The following PLD5 variants were observed in gnomAD, a reference collection of about 807,000 sequenced individuals.
The protein encoded by PLD5 is inactive phospholipase D5.
PLD5 carries 36 observed loss-of-function variants against 61.1 expected under a neutral mutation model. The ratio of observed to expected loss-of-function variants is 0.59; its 90% CI spans 0.45 to 0.78. PLD5 has a LOEUF of 0.78. Among genes scored for constraint, PLD5 ranks in the 30% least tolerant of loss-of-function variants. PLD5 has a pLI of 0.00. For synonymous variants in PLD5, 243 were observed against 242.8 expected (o/e 1.00, Z -0.01); for missense variants, 515 against 644.4 (o/e 0.80, Z 2.17).
chr1:242,098,935 A>G (rs1660466762), intron 9 of PLD5, among the ~76,000 whole-genome samples: 1 of 152,018 alleles, frequency 6.6e-6, no homozygotes, highest in African/African-American at 2.4e-5. Flanking sequence ...GTCTCAGAGG[A>G]GTACCCCACC....
chr1:242,518,707 CTTGT>C (rs1463122539), intron 1 of PLD5, among the ~76,000 whole-genome samples: 1 of 152,266 alleles, frequency 6.6e-6, no homozygotes, highest in African/African-American at 2.4e-5. Context: ...AAAAAGAAAA[CTTGT>C]ATTCAATCAT....
intron 1 of PLD5, among the ~76,000 whole-genome samples, chr1:242,451,500 C>G (rs1666778694): frequency 8.3e-6 from 1 of 120,772 alleles, no homozygotes; most frequent in Non-Finnish European, 1.6e-5. Context: ...TGCTTTGTTG[C>G]CCAGGCTGGA....
intron 1 of PLD5, among the ~76,000 whole-genome samples, chr1:242,380,940 A>C (rs1401392629): frequency 2.0e-5 from 3 of 152,230 alleles, no homozygotes; most frequent in African/African-American, 7.2e-5. Context: ...ACACTTTTAC[A>C]CTGTTGATGG....
intron 5 of PLD5, among the ~76,000 whole-genome samples, chr1:242,130,486 G>A (rs1472080101): frequency 6.6e-6 from 1 of 152,158 alleles, no homozygotes. Context: ...TTGCTGGATC[G>A]AATGGTAATT....
intron 1 of PLD5, among the ~76,000 whole-genome samples, chr1:242,420,247 C>T (rs1472519026): frequency 6.6e-6 from 1 of 152,060 alleles, no homozygotes; most frequent in Non-Finnish European, 1.5e-5. Context: ...AAGTTACTTG[C>T]CCAAGCTCTC....
At chr1:242,316,029 G>A (rs527406320) in intron 2 of PLD5, among the ~76,000 whole-genome samples, 3 of 152,260 alleles carry the variant, frequency 2.0e-5, no homozygotes, top group Admixed American at 6.5e-5. Context: ...GTGACCTTGC[G>A]TAAGTTACTT....
At chr1:242,165,546 G>A (rs1181647022) in intron 5 of PLD5, among the ~76,000 whole-genome samples, 1 of 151,760 alleles carries the variant, frequency 6.6e-6, no homozygotes, top group Non-Finnish European at 1.5e-5. Flanking sequence ...GTAAACACTT[G>A]GAAACCAATG....
At chr1:242,526,316 GA>G (rs1669445224), upstream of PLD5, among the ~76,000 whole-genome samples, 1 of 152,150 alleles carries the variant, frequency 6.6e-6, no homozygotes, top group Non-Finnish European at 1.5e-5. Context: ...AGCCTGGGAA[GA>G]GGAGGCAACA....
intron 9 of PLD5, among the ~76,000 whole-genome samples, chr1:242,092,362 G>A (rs1265277492): frequency 6.6e-6 from 1 of 152,060 alleles, no homozygotes; most frequent in Non-Finnish European, 1.5e-5. Flanking sequence ...TGAGGAGTGG[G>A]AGGCTCAAAG....
In PLD5 at chr1:242,361,845, T is replaced by C. The variant is rs187480334; in HGVS notation, c.190-13603A>G. 6.6e-5 allele frequency among the ~76,000 whole-genome samples: 10 copies of C among 152,252 alleles called. No homozygotes were observed. In the East Asian group the frequency reaches 1.7e-3, roughly 27 times the overall value. The stretch of plus-strand genomic sequence containing the variant: ...ATTGAACGAGCTCTTAAAAGGAATT[T>C]GCACCTAGGCTGGGTGTGGTGGCTC... On this transcript the variant is annotated intron_variant, in intron 1 of 9. Transcript: ENST00000536534.
intron 2 of PLD5, among the ~76,000 whole-genome samples, chr1:242,311,189 C>T (rs901750136): frequency 6.6e-6 from 1 of 151,958 alleles, no homozygotes; most frequent in Non-Finnish European, 1.5e-5. Context: ...ATTTTGCTAC[C>T]ACAAATGACT....
intron 5 of PLD5, among the ~76,000 whole-genome samples, chr1:242,197,631 CACTTT>C (rs769841395): frequency 1.4e-5 from 2 of 142,012 alleles, no homozygotes; most frequent in South Asian, 2.3e-4. Context: ...ATTAATTGCA[CACTTT>C]TTTTTTTTTT....
intron 1 of PLD5, among the ~76,000 whole-genome samples, chr1:242,381,467 G>A (rs1662275942): frequency 1.3e-5 from 2 of 152,084 alleles, no homozygotes; most frequent in East Asian, 3.9e-4. Context: ...GGTGATGGTT[G>A]ATCTGTACAG....
chr1:242,412,310 A>C (rs1664600921), intron 1 of PLD5, among the ~76,000 whole-genome samples: 1 of 152,160 alleles, frequency 6.6e-6, no homozygotes, highest in African/African-American at 2.4e-5. Flanking sequence ...CTTGGTCAAG[A>C]AGGTGTCCAT....
intron 8 of PLD5, among the ~76,000 whole-genome samples, chr1:242,107,175 G>A (rs1304585532): frequency 6.6e-6 from 1 of 152,154 alleles, no homozygotes; most frequent in Non-Finnish European, 1.5e-5. Context: ...GAATGGGGTC[G>A]TTCAAGGAAG....
chr1:242,522,750 T>TAATGG (rs1669319088), intron 1 of PLD5, among the ~76,000 whole-genome samples: 1 of 152,228 alleles, frequency 6.6e-6, no homozygotes, highest in Non-Finnish European at 1.5e-5. Flanking sequence ...AGGGCATGTT[T>TAATGG]AATGGATACG....
chr1:242,167,846 C>T (rs998059897), intron 5 of PLD5, among the ~76,000 whole-genome samples: 3 of 152,226 alleles, frequency 2.0e-5, no homozygotes, highest in Non-Finnish European at 4.4e-5. Context: ...ATATATTAGA[C>T]ACCCTTTTGT....
chr1:242,136,149 A>T (rs1244033825), intron 5 of PLD5, among the ~76,000 whole-genome samples: 1 of 152,210 alleles, frequency 6.6e-6, no homozygotes, highest in Non-Finnish European at 1.5e-5. Context: ...AGTAGGAGGC[A>T]CAACTTTGAC....
intron 1 of PLD5, among the ~76,000 whole-genome samples, chr1:242,348,591 C>T (rs1267782767): frequency 6.6e-6 from 1 of 152,126 alleles, no homozygotes; most frequent in Non-Finnish European, 1.5e-5. Context: ...ATGCTAGCAT[C>T]ATGCTGTCAA....
Sources: gnomAD v4.1 joint callset for allele counts (sites outside exome capture counted in the v4.1 genomes callset) on GRCh38, gnomAD v4.1.1 for gene constraint, MANE v1.5 for transcripts, NCBI Gene and HGNC (gene_info 2026-07-23, HGNC 2026-07-21) for gene names.